The following ABCA2 variants were observed in gnomAD, a reference collection of about 807,000 sequenced individuals.
ABCA2 encodes ATP-binding cassette sub-family A member 2.
A neutral mutation model predicts 262.8 loss-of-function variants in ABCA2; 84 were observed. The ratio of observed to expected loss-of-function variants is 0.32; its 90% confidence interval spans 0.27 to 0.38. The LOEUF (loss-of-function observed/expected upper bound fraction) is 0.38. ABCA2 is among the 10% of genes least tolerant of loss of function. The pLI is 1.00. For missense variants in ABCA2, 2,662 were observed against 3,405.9 expected, an observed-to-expected ratio of 0.78 and a Z score of 5.44; for synonymous variants, 1,696 against 1,502.9, an observed-to-expected ratio of 1.13 and a Z score of -2.97.
In ABCA2 at chr9:137,009,603, G is replaced by A. The variant is rs1469349981; in HGVS notation, c.6672C>T (p.Phe2224=). 7 of 1,612,892 alleles carry A rather than the reference G, an allele frequency of 4.3e-6. No homozygotes were observed. Among genetic ancestry groups the A allele is most frequent in the African/African-American group, 2.7e-5 (2 of 74,924 alleles). Residue 2224 remains phenylalanine (F), a synonymous_variant, in exon 44 of 49, where the codon TTC becomes TTT. Coordinates refer to ENST00000341511, the MANE Select transcript of ABCA2 (RefSeq NM_001606.5). The stretch of plus-strand genomic sequence containing the variant: ...TGAGGTCAAGGATGAGGTTCCAGAG[G>A]AAGCGCCGGGCCTTGGGGTCCATGC... ...TTGMDPKARR[F]LWNLILDLIK...
At chr9:137,024,690 G>A (rs1447952510) in intron 1 of ABCA2, among the ~76,000 whole-genome samples, 1 of 152,198 alleles carries the variant, frequency 6.6e-6, no homozygotes, top group Non-Finnish European at 1.5e-5. Flanking sequence ...CGGGGCCTGG[G>A]GAGATGAGGA....
In ABCA2 at chr9:137,015,667, C is replaced by T; in HGVS notation, c.3514+8G>A. The stretch of plus-strand genomic sequence containing the variant: ...CCCGCACCCCTGCCCACACGGCACC[C>T]CACTCACCTGGCTTGTACTTCAGGA... On this transcript the variant is annotated splice_region_variant and intron_variant, in intron 23 of 48. Coordinates refer to ENST00000341511, the MANE Select transcript of ABCA2 (RefSeq NM_001606.5). 6.2e-7 allele frequency: 1 copy of T among 1,609,238 alleles called. No individual in the cohort carries two copies. The highest frequency in any genetic ancestry group is 8.5e-7 in the Non-Finnish European group (1 of 1,178,466).
rs753698682 is a variant in ABCA2 at position 137,012,459 on chromosome 9, G to A, written c.5187+26C>T. ...ACCTCGGGCGGCGCTACACACAGCG[G>A]GGCCCAGGCCCGCAGCCTCGCTCAC... On this transcript the variant is annotated intron_variant, in intron 32 of 48. Coordinates refer to ENST00000341511, the MANE Select transcript of ABCA2 (RefSeq NM_001606.5). The A allele has an allele frequency of 2.5e-6, 4 of 1,610,136 alleles. No individual in the cohort carries two copies. The South Asian group carries it at 4.4e-5, about 18-fold the overall frequency.
rs746685065 is a variant in ABCA2, at chr9:137,014,654, G to A, written c.4003+36C>T. ...GCAGGCCCGAGCTGGGGCCTTGTGG[G>A]TGGGGTGGGCTGAGCAAGTGGTCCA... On this transcript the variant is annotated intron_variant, in intron 26 of 48. Transcript: ENST00000341511. 7 of 1,591,744 alleles carry A rather than the reference G, an allele frequency of 4.4e-6. No homozygotes were observed. The East Asian group carries it at 1.1e-4, about 26-fold the overall frequency.
intron 25 of ABCA2, 35 bp from the exon 26 acceptor site, chr9:137,014,845 G>A (rs1270249264): frequency 6.3e-7 from 1 of 1,586,098 alleles, no homozygotes; most frequent in African/African-American, 1.3e-5. Context: ...CTGCGGCAGG[G>A]ACGCCCAGGC....
At chr9:137,024,733 G>T (rs1431736494) in intron 1 of ABCA2, among the ~76,000 whole-genome samples, 2 of 151,948 alleles carry the variant, frequency 1.3e-5, no homozygotes, top group South Asian at 2.1e-4. Context: ...TGCGCCCAGG[G>T]CCCTGAGCCT....
In ABCA2 at chr9:137,011,630, T is replaced by C. The variant is rs1831047961; in HGVS notation, c.5651+4A>G. 1 of 1,552,794 alleles carries C rather than the reference T, an allele frequency of 6.4e-7. No individual in the cohort carries two copies. Among genetic ancestry groups the C allele is most frequent in the African/African-American group, 1.4e-5 (1 of 73,124 alleles). ...AGGCCGCTCCCCCCTCCGCTTCCGC[T>C]TACCCATAGAGCAGGAAGAGGGAGA... On this transcript the variant is annotated splice_donor_region_variant and intron_variant, in intron 36 of 48. Transcript: ENST00000341511. The surrounding 1 kb of genome is among the most constrained non-coding windows in gnomAD (Gnocchi z 8.8).
chr9:137,008,006 AC>A (rs751882325), intron 48 of ABCA2, 42 bp from the exon 49 acceptor site: 4 of 1,587,874 alleles, frequency 2.5e-6, no homozygotes, highest in Non-Finnish European at 1.7e-6. Flanking sequence ...ATCCTGTGCC[AC>A]CCCCTGCTGG....
Position 137,023,784 on chromosome 9 carries a change from G to T in ABCA2, c.163+54C>A, listed in dbSNP as rs563430479. 6.6e-4 allele frequency: 486 copies of T among 733,652 alleles called. 1 individual carries two copies. The highest frequency in any genetic ancestry group is 1.1e-3 in the Non-Finnish European group (441 of 396,070). 45.4% of individuals were successfully genotyped at this position (733,652 alleles called of 1,614,324 possible). A position where few individuals can be genotyped will look rare whatever the true frequency, so the allele number is the denominator to read the frequency against. On this transcript the variant is annotated intron_variant, in intron 3 of 48. Coordinates refer to ENST00000341511, the MANE Select transcript of ABCA2 (RefSeq NM_001606.5). ...GGCGCTCAAGCCAGGACGGCCCATG[G>T]GCCCCCCGCAGCTGCTGCCCAGGCC...
Position 137,018,202 on chromosome 9 carries a change from G to A in ABCA2, c.1969C>T (p.Leu657Phe), listed in dbSNP as rs1266177069. Reference sequence around the variant, plus strand: ...CCCTGGATCCAGACGAAGCCGTAGAGGAAGTAGAAGCGGCCGCCAGTATTG... The same window carrying A: ...CCCTGGATCCAGACGAAGCCGTAGAAGAAGTAGAAGCGGCCGCCAGTATTG... ...GPNTGGRFYF[L>F]YGFVWIQDMM... is the part of the protein sequence containing the mutation. The change falls in exon 14 of 49, where the codon CTC becomes TTC. Residue 657 changes from leucine to phenylalanine, a missense_variant. This residue lies in a region of ABCA2 where 187 missense variants were observed against 205.9 expected (regional missense o/e 0.91). Coordinates refer to ENST00000341511, the MANE Select transcript of ABCA2 (RefSeq NM_001606.5). 1.9e-6 allele frequency: 3 copies of A among 1,611,996 alleles called. No individual in the cohort carries two copies. Among genetic ancestry groups the A allele is most frequent in the Admixed American group, 1.7e-5 (1 of 59,966 alleles).
chr9:137,020,262 C>A, intron 10 of ABCA2, 74 bp downstream of exon 10: 2 of 1,591,832 alleles, frequency 1.3e-6, no homozygotes, highest in Non-Finnish European at 1.7e-6. Context: ...ACACCCTCTG[C>A]CCAGGGGTCC....
At chr9:137,015,182 T>A (rs1831212086) in intron 24 of ABCA2, 85 bp from the exon 25 acceptor site, 1 of 1,432,612 alleles carries the variant, frequency 7.0e-7, no homozygotes, top group Admixed American at 2.3e-5. Context: ...GGTCAAGATA[T>A]GGGCATTGGA....
chr9:137,008,900 GC>G (rs59031144), intron 46 of ABCA2, 32 bp from the exon 47 acceptor site: 5 of 1,556,404 alleles, frequency 3.2e-6, no homozygotes, highest in South Asian at 2.3e-5. Context: ...GCCTGGCAGC[GC>G]CCCCCCACCC....
chr9:137,024,278 C>A, intron 1 of ABCA2, 42 bp from the exon 2 acceptor site: 1 of 1,518,754 alleles, frequency 6.6e-7, no homozygotes, highest in East Asian at 2.3e-5. Flanking sequence ...CAGACCTGTG[C>A]TCGCCTAGGC....
intron 1 of ABCA2, among the ~76,000 whole-genome samples, chr9:137,024,861 C>T (rs1346037867): frequency 2.0e-5 from 3 of 149,022 alleles, no homozygotes; most frequent in South Asian, 4.2e-4. Context: ...CACAGTGGTG[C>T]GATCTCAGCT....
In ABCA2 at chr9:137,011,561, G is replaced by A; in HGVS notation, c.5652-7C>T. ...GATGGGCGTGATGGACCACCTGCGG[G>A]CAGGTGGCGGGCAGTGGTCACCAGG... On this transcript the variant is annotated splice_region_variant and splice_polypyrimidine_tract_variant and intron_variant, in intron 36 of 48. Transcript: ENST00000341511. The surrounding 1 kb of genome is among the most constrained non-coding windows in gnomAD (Gnocchi z 8.8). The A allele has an allele frequency of 6.4e-7, 1 of 1,572,124 alleles. No homozygotes were observed.
In ABCA2 at chr9:137,009,025, G is replaced by A; in HGVS notation, c.6856C>T (p.Arg2286Trp). 1.9e-6 allele frequency: 3 copies of A among 1,608,276 alleles called. No homozygotes were observed. The highest frequency in any genetic ancestry group is 1.1e-5 in the South Asian group (1 of 91,046). The change falls in exon 46 of 49, where the codon CGG becomes TGG. Residue 2286 changes from arginine to tryptophan, a missense_variant. Physicochemically the swap from Arg to Trp is moderately radical, Grantham distance 101. This residue lies in a region of ABCA2 where 212 missense variants were observed against 214.4 expected (regional missense o/e 0.99). Coordinates refer to ENST00000341511, the MANE Select transcript of ABCA2 (RefSeq NM_001606.5). ...TTCACACTCTGGCTGCTCTTGGTCC[G>A]CACCGTGATCATGTAGCCATCTCCA... ...RFGDGYMITV[R>W]TKSSQSVKDV...
Position 137,021,728 on chromosome 9 carries a change from G to C in ABCA2, c.679-118C>G, listed in dbSNP as rs1400150968. On this transcript the variant is annotated intron_variant, in intron 7 of 48. Coordinates refer to ENST00000341511, the MANE Select transcript of ABCA2 (RefSeq NM_001606.5). The surrounding 1 kb of genome is among the most constrained non-coding windows in gnomAD (Gnocchi z 6.0). ...GGCTCTGGGGCTGCCTGGGTCCCAC[G>C]ACATGCCTCTACCCCTCATGCCTGC... 7.9e-7 allele frequency: 1 copy of C among 1,263,260 alleles called. No individual in the cohort carries two copies. The highest frequency in any genetic ancestry group is 1.1e-6 in the Non-Finnish European group (1 of 907,472). 78.3% of individuals were successfully genotyped at this position (1,263,260 alleles called of 1,614,324 possible).
rs1284288341 is a variant in ABCA2, at chr9:137,019,991, C to T, written c.1425+345G>A. On this transcript the variant is annotated intron_variant, in intron 10 of 48. Transcript: ENST00000341511. The surrounding 1 kb of genome is among the most constrained non-coding windows in gnomAD (Gnocchi z 4.4). ...TGGCCTCTGCTTGTTCCAGACAGGA[C>T]CCCTCACCCAGAACCCAAACTGCCC... 5 of 294,302 alleles carry T rather than the reference C, an allele frequency of 1.7e-5. No individual in the cohort carries two copies. The highest frequency in any genetic ancestry group is 2.6e-5 in the Non-Finnish European group (4 of 153,652). The allele number at this position is 294,302 out of a possible 1,614,324, so 18.2% of individuals were successfully genotyped here.
Sources: allele counts gnomAD v4.1 joint callset (sites outside exome capture counted in the v4.1 genomes callset), GRCh38; gene constraint gnomAD v4.1.1; regional missense constraint gnomAD v4.1.1; non-coding constraint Gnocchi (gnomAD v3.1); transcripts MANE v1.5; gene names NCBI Gene and HGNC (gene_info 2026-07-23, HGNC 2026-07-21).